The following MDGA2 variants were observed in gnomAD, a reference collection of about 807,000 sequenced individuals.
The protein encoded by MDGA2 is MAM domain containing glycosylphosphatidylinositol anchor 2.
MDGA2 carries 40 observed loss-of-function variants against 117.8 expected under a neutral mutation model. The observed-to-expected ratio is 0.34, with a 90% CI of 0.26 to 0.44. MDGA2 has a LOEUF of 0.44. Ranked by LOEUF, MDGA2 falls within the 20% of genes least tolerant of loss-of-function variation. The pLI is 1.00. For synonymous variants in MDGA2, 452 were observed against 439.0 expected, an observed-to-expected ratio of 1.03 and a Z score of -0.37; for missense variants, 1,123 against 1,250.6, an observed-to-expected ratio of 0.90 and a Z score of 1.54.
intron 10 of MDGA2, among the ~76,000 whole-genome samples, chr14:46,887,863 T>C (rs1399149232): frequency 2.0e-5 from 3 of 151,982 alleles, no homozygotes; most frequent in Non-Finnish European, 4.4e-5. Flanking sequence ...AATAATTTAT[T>C]TGATATTTTA....
intron 3 of MDGA2, among the ~76,000 whole-genome samples, chr14:47,191,500 C>T (rs114379937): frequency 0.014 from 2,081 of 150,822 alleles, 43 homozygotes; most frequent in African/African-American, 0.037. Context: ...GGCCATCTTA[C>T]GGTTATCTTT....
intron 1 of MDGA2, among the ~76,000 whole-genome samples, chr14:47,508,467 T>C (rs1249521790): frequency 7.1e-6 from 1 of 140,228 alleles, no homozygotes; most frequent in Non-Finnish European, 1.5e-5. Context: ...GAATAACACT[T>C]ACTCCCATTG....
intron 1 of MDGA2, among the ~76,000 whole-genome samples, chr14:47,401,626 A>C (rs562865724): frequency 3.3e-5 from 5 of 152,326 alleles, no homozygotes; most frequent in Non-Finnish European, 7.4e-5. Flanking sequence ...GTACTAAGCT[A>C]CCTGGCAGCA....
At chr14:47,189,619 G>A (rs542752417) in intron 3 of MDGA2, among the ~76,000 whole-genome samples, 103 of 152,204 alleles carry the variant, frequency 6.8e-4, no homozygotes, top group African/African-American at 2.4e-3. Flanking sequence ...GCAGTTTCAT[G>A]ATGATTGAAA....
At chr14:47,607,794 G>A (rs1317677640) in intron 1 of MDGA2, among the ~76,000 whole-genome samples, 1 of 152,038 alleles carries the variant, frequency 6.6e-6, no homozygotes, top group Non-Finnish European at 1.5e-5. Flanking sequence ...ACTTAATTCA[G>A]TATGTTCAAA....
intron 3 of MDGA2, among the ~76,000 whole-genome samples, chr14:47,174,738 G>A (rs1275191463): frequency 1.3e-5 from 2 of 151,994 alleles, no homozygotes; most frequent in Non-Finnish European, 2.9e-5. Context: ...AATTAAAAGA[G>A]CCAGAAAAGC....
intron 1 of MDGA2, among the ~76,000 whole-genome samples, chr14:47,568,170 T>G (rs1313016072): frequency 1.3e-5 from 2 of 152,194 alleles, no homozygotes; most frequent in African/African-American, 4.8e-5. Flanking sequence ...ATGGAACTCA[T>G]GCTGTCTATA....
intron 1 of MDGA2, among the ~76,000 whole-genome samples, chr14:47,662,209 G>C (rs1897863040): frequency 3.3e-5 from 5 of 152,096 alleles, no homozygotes; most frequent in Admixed American, 3.3e-4. Context: ...CCAGTTTCTT[G>C]GGATTAGCCT....
At chr14:47,653,216 C>T (rs766716661) in intron 1 of MDGA2, among the ~76,000 whole-genome samples, 17 of 152,002 alleles carry the variant, frequency 1.1e-4, no homozygotes, top group Non-Finnish European at 1.5e-4. Context: ...TCAGGAAATA[C>T]GAACAAGACA....
Position 47,301,402 on chromosome 14 carries a change from G to C in MDGA2, c.420+9C>G. The C allele has an allele frequency of 2.6e-6, 4 of 1,551,492 alleles. No homozygotes were observed. Among genetic ancestry groups the C allele is most frequent in the Non-Finnish European group, 3.5e-6 (4 of 1,146,910 alleles). On this transcript the variant is annotated intron_variant, in intron 2 of 16. Coordinates refer to ENST00000399232, the MANE Select transcript of MDGA2 (RefSeq NM_001113498.3). ...AATGTTTTCTCCAGTGTCACAGTTC[G>C]GGACTCACCTGTGGACGTGGATGTC... is the stretch of plus-strand genomic sequence containing the variant.
intron 3 of MDGA2, among the ~76,000 whole-genome samples, chr14:47,160,941 C>A (rs1241249855): frequency 6.6e-6 from 1 of 152,180 alleles, no homozygotes; most frequent in Non-Finnish European, 1.5e-5. Flanking sequence ...TTAAGAACTG[C>A]ATGAAGCATC....
intron 1 of MDGA2, among the ~76,000 whole-genome samples, chr14:47,387,324 C>T (rs1039448169): frequency 3.3e-5 from 5 of 152,036 alleles, no homozygotes; most frequent in Admixed American, 1.3e-4. Context: ...CCACCCACCC[C>T]CAAACCCACC....
At chr14:47,258,730 CTA>C (rs1887701654) in intron 2 of MDGA2, among the ~76,000 whole-genome samples, 1 of 47,152 alleles carries the variant, frequency 2.1e-5, no homozygotes, top group African/African-American at 1.5e-4. Context: ...ATGGATGAGG[CTA>C]TTTTTTTTTC....
chr14:46,856,990 C>A (rs538007914), intron 14 of MDGA2, among the ~76,000 whole-genome samples: 1 of 152,202 alleles, frequency 6.6e-6, no homozygotes, highest in African/African-American at 2.4e-5. Flanking sequence ...TTATCCTATT[C>A]ACTTCACTTT....
At chr14:47,097,973 C>T (rs755022352) in intron 5 of MDGA2, among the ~76,000 whole-genome samples, 2 of 152,060 alleles carry the variant, frequency 1.3e-5, no homozygotes, top group Non-Finnish European at 2.9e-5. Flanking sequence ...ACTTTCTTCA[C>T]ATATAGCACA....
chr14:47,060,584 C>G (rs1036844862), intron 7 of MDGA2, among the ~76,000 whole-genome samples: 1 of 152,068 alleles, frequency 6.6e-6, no homozygotes, highest in Non-Finnish European at 1.5e-5. Context: ...GAACCCTCCT[C>G]CACCAAATCC....
At chr14:47,337,577 A>G (rs1296070402) in intron 1 of MDGA2, among the ~76,000 whole-genome samples, 1 of 152,082 alleles carries the variant, frequency 6.6e-6, no homozygotes, top group Non-Finnish European at 1.5e-5. Context: ...AGATATAAAT[A>G]CTACTAGAGA....
At chr14:47,102,328 A>G (rs995361469) in intron 5 of MDGA2, among the ~76,000 whole-genome samples, 25 of 151,780 alleles carry the variant, frequency 1.6e-4, no homozygotes, top group Non-Finnish European at 7.4e-5. Flanking sequence ...AGTATTATAA[A>G]GTAACCTAAT....
intron 8 of MDGA2, among the ~76,000 whole-genome samples, chr14:46,989,027 A>G (rs551044763): frequency 1.3e-5 from 2 of 152,276 alleles, no homozygotes; most frequent in Non-Finnish European, 2.9e-5. Flanking sequence ...CTTTTCATTT[A>G]TATCTACATA....
Sources: gnomAD v4.1 joint callset for allele counts (sites outside exome capture counted in the v4.1 genomes callset) on GRCh38, gnomAD v4.1.1 for gene constraint, MANE v1.5 for transcripts, NCBI Gene and HGNC (gene_info 2026-07-23, HGNC 2026-07-21) for gene names.